VPS13A: variants seen among roughly 807,000 people sequenced by gnomAD.
The protein encoded by VPS13A is vacuolar protein sorting 13 homolog A, also known as intermembrane lipid transfer protein VPS13A.
A neutral mutation model predicts 390.9 loss-of-function variants in VPS13A; 264 were observed. The observed-to-expected ratio is 0.68, with a 90% CI of 0.61 to 0.75. VPS13A has a LOEUF of 0.75. Ranked by LOEUF, VPS13A falls within the 30% of genes least tolerant of loss-of-function variation. VPS13A has a pLI of 0.00. For missense variants in VPS13A, 3,409 were observed against 3,733.9 expected (o/e 0.91, Z 2.27); for synonymous variants, 1,231 against 1,227.1 (o/e 1.00, Z -0.07).
intron 48 of VPS13A, 104 bp downstream of exon 48, chr9:77,340,015 C>A (rs1175024427): frequency 6.9e-7 from 1 of 1,458,480 alleles, no homozygotes; most frequent in Non-Finnish European, 9.3e-7. Flanking sequence ...ATAGAAATAA[C>A]TTGTTAAATA....
At chr9:77,200,029 T>A (rs1383733981) in intron 2 of VPS13A, 41 bp downstream of exon 2, 10 of 1,429,608 alleles carry the variant, frequency 7.0e-6, no homozygotes, top group Non-Finnish European at 9.8e-6. Flanking sequence ...TTATTGCATT[T>A]AATTATGTAT....
chr9:77,315,350 G>A lies in VPS13A; in HGVS notation c.4510G>A (p.Glu1504Lys). 1 of 1,613,990 alleles carries A rather than the reference G, an allele frequency of 6.2e-7. No individual in the cohort carries two copies. Among genetic ancestry groups the A allele is most frequent in the Non-Finnish European group, 8.5e-7 (1 of 1,179,882 alleles). Residue 1504 changes from glutamate to lysine, a missense_variant, in exon 38 of 72, where the codon GAA becomes AAA. Physicochemically the swap from Glu to Lys is moderately conservative, Grantham distance 56. Transcript: ENST00000360280. Reference protein sequence around the residue: ...DGCVTDAVFQEMYICASVEFL... With the variant: ...DGCVTDAVFQKMYICASVEFL... ...TTGTGTGACTGATGCGGTCTTTCAA[G>A]AAATGTATATTTGTGCAAGCGTAGA...
intron 67 of VPS13A, among the ~76,000 whole-genome samples, chr9:77,372,913 G>C (rs948252049): frequency 1.6e-4 from 25 of 151,722 alleles, no homozygotes; most frequent in Non-Finnish European, 2.2e-4. Context: ...AAATACCTAG[G>C]AATCCAACTT....
At chr9:77,311,663 TGATAA>T (rs1415849197) in intron 35 of VPS13A, among the ~76,000 whole-genome samples, 2 of 152,144 alleles carry the variant, frequency 1.3e-5, no homozygotes, top group Non-Finnish European at 2.9e-5. Flanking sequence ...TCTTGGTAAA[TGATAA>T]GATATGAACA....
At chr9:77,228,399 T>A in intron 17 of VPS13A, 135 bp downstream of exon 17, 1 of 826,404 alleles carries the variant, frequency 1.2e-6, no homozygotes, top group Non-Finnish European at 1.7e-6. Context: ...GGAAAAAGGT[T>A]TTTTTTTTAA....
At chr9:77,364,448 A>C (rs1832327906) in intron 59 of VPS13A, among the ~76,000 whole-genome samples, 1 of 152,080 alleles carries the variant, frequency 6.6e-6, no homozygotes, top group Non-Finnish European at 1.5e-5. Flanking sequence ...CAAACAAAAA[A>C]AAACCCATAA....
intron 5 of VPS13A, among the ~76,000 whole-genome samples, chr9:77,207,250 TATAA>T (rs1252963590): frequency 1.8e-4 from 20 of 108,894 alleles, no homozygotes; most frequent in East Asian, 8.9e-4. Flanking sequence ...TATATATATA[TATAA>T]AACGTGTTAT....
In VPS13A at chr9:77,344,204, G is replaced by T. The variant is rs370401336; in HGVS notation, c.7078G>T (p.Glu2360Ter). The part of the protein sequence containing the change: ...YASSKLLIQV[E>*]RSEDPPKRIY... ...TTCTAGTAAACTTCTTATTCAAGTC[G>T]AAAGGAGTGAAGATCCTCCCAAAAG... is the stretch of plus-strand genomic sequence containing the variant. Residue 2360 changes from glutamate to a stop codon, truncating the protein, a stop_gained, in exon 51 of 72, where the codon GAA (glutamate) becomes TAA (stop). Coordinates refer to ENST00000360280, the MANE Select transcript of VPS13A (RefSeq NM_033305.3). LOFTEE classifies it high-confidence loss of function. The T allele has an allele frequency of 6.2e-7, 1 of 1,612,362 alleles. No homozygotes were observed. The highest frequency in any genetic ancestry group is 8.5e-7 in the Non-Finnish European group (1 of 1,178,736).
At chr9:77,311,330 C>A (rs1050796084) in intron 35 of VPS13A, among the ~76,000 whole-genome samples, 1 of 152,142 alleles carries the variant, frequency 6.6e-6, no homozygotes. Context: ...ATCCCAGATA[C>A]TATACCATTA....
chr9:77,240,933 C>T (rs927260734), intron 19 of VPS13A, among the ~76,000 whole-genome samples: 3 of 151,952 alleles, frequency 2.0e-5, no homozygotes, highest in African/African-American at 7.2e-5. Context: ...ACATTATCTA[C>T]CCTTTTCTTT....
intron 31 of VPS13A, among the ~76,000 whole-genome samples, chr9:77,286,855 G>A (rs1018640065): frequency 2.0e-5 from 3 of 152,124 alleles, no homozygotes; most frequent in Non-Finnish European, 4.4e-5. Flanking sequence ...CCAATTGGTT[G>A]AAAGAAGTGG....
intron 1 of VPS13A, among the ~76,000 whole-genome samples, chr9:77,191,446 C>T (rs547609546): frequency 2.6e-5 from 4 of 151,972 alleles, no homozygotes; most frequent in Middle Eastern, 3.4e-3. Context: ...CAGGTGTGCA[C>T]TCCTACACCT....
intron 50 of VPS13A, 61 bp downstream of exon 50, chr9:77,340,611 T>A (rs1230576623): frequency 2.6e-5 from 42 of 1,592,888 alleles, no homozygotes; most frequent in Non-Finnish European, 3.6e-5. Context: ...TGAAGTTAGA[T>A]ACCTAAAGTC....
At chr9:77,234,386 G>T (rs542877433) in intron 17 of VPS13A, among the ~76,000 whole-genome samples, 9 of 152,220 alleles carry the variant, frequency 5.9e-5, no homozygotes, top group Admixed American at 5.2e-4. Context: ...CTCTCTCTTG[G>T]TTATGAGTTG....
At chr9:77,360,796 A>C (rs1015136280) in intron 59 of VPS13A, among the ~76,000 whole-genome samples, 155 bp downstream of exon 59, 20 of 152,056 alleles carry the variant, frequency 1.3e-4, no homozygotes, top group African/African-American at 4.6e-4. Context: ...TAGAAATCTT[A>C]TTTTCTGATG....
At chr9:77,316,530 CT>C in intron 39 of VPS13A, 124 bp downstream of exon 39, 1 of 742,866 alleles carries the variant, frequency 1.3e-6, no homozygotes, top group Non-Finnish European at 2.3e-6. Flanking sequence ...TTTCTCTCTG[CT>C]TAGAGAGCTT....
chr9:77,373,122 T>C lies in VPS13A; in HGVS notation c.9077+1973T>C, dbSNP rs577021936. On this transcript the variant is annotated intron_variant, in intron 67 of 71. Coordinates refer to ENST00000360280, the MANE Select transcript of VPS13A (RefSeq NM_033305.3). ...GCTACCAATGACTTTCTTCACAGAA[T>C]TGGAAAAAACTACTTTAAAGTTCAT... is the stretch of plus-strand genomic sequence containing the variant. 4.3e-4 allele frequency among the ~76,000 whole-genome samples: 66 copies of C among 152,084 alleles called. 2 individuals carry two copies. In the South Asian group the frequency reaches 0.011, roughly 25 times the overall value.
chr9:77,355,749 C>T (rs1011719111), intron 54 of VPS13A, among the ~76,000 whole-genome samples: 3 of 152,184 alleles, frequency 2.0e-5, no homozygotes, highest in African/African-American at 7.2e-5. Flanking sequence ...AAATTGTCTT[C>T]GATTCCTCTC....
chr9:77,204,460 C>T (rs548767797), intron 3 of VPS13A, among the ~76,000 whole-genome samples: 3 of 151,830 alleles, frequency 2.0e-5, no homozygotes, highest in Non-Finnish European at 4.4e-5. Context: ...AAATATTACC[C>T]AGAATATTTT....
Sources: allele counts gnomAD v4.1 joint callset (sites outside exome capture counted in the v4.1 genomes callset), GRCh38; gene constraint gnomAD v4.1.1; transcripts MANE v1.5; gene names NCBI Gene and HGNC (gene_info 2026-07-23, HGNC 2026-07-21).